The following NUBPL variants were observed in gnomAD, a reference collection of about 807,000 sequenced individuals.
The protein encoded by NUBPL is NUBP iron-sulfur cluster assembly factor, mitochondrial, also known as iron-sulfur cluster transfer protein NUBPL.
In NUBPL, 31 loss-of-function variants were observed where a neutral mutation model predicts 45.7. That is an observed-to-expected ratio of 0.68 (90% CI 0.51 to 0.92). NUBPL has a LOEUF of 0.92. Among genes scored for constraint, NUBPL ranks in the 40% least tolerant of loss-of-function variants. The probability of loss-of-function intolerance (pLI) is 0.00; values close to 1 mark genes in which losing one functional copy is unlikely to be tolerated. For synonymous variants in NUBPL, 144 were observed against 140.9 expected (o/e 1.02, Z -0.15); for missense variants, 401 against 398.7 (o/e 1.01, Z -0.05).
intron 6 of NUBPL, among the ~76,000 whole-genome samples, chr14:31,735,383 T>C (rs2038142423): frequency 6.6e-6 from 1 of 152,174 alleles, no homozygotes; most frequent in South Asian, 2.1e-4. Context: ...GTATCACAAG[T>C]AGTATCTGAA....
intron 7 of NUBPL, among the ~76,000 whole-genome samples, chr14:31,791,012 T>G (rs1045915811): frequency 2.0e-5 from 3 of 152,184 alleles, no homozygotes; most frequent in Non-Finnish European, 4.4e-5. Context: ...CTCATGCCTG[T>G]AATCCCAGCA....
In NUBPL at chr14:31,642,185, G is replaced by A. The variant is rs951820289; in HGVS notation, c.383-31170G>A. Among the ~76,000 whole-genome samples the A allele has an allele frequency of 3.3e-5, 5 of 151,928 alleles. No individual in the cohort carries two copies. In the South Asian group the frequency reaches 8.3e-4, roughly 25 times the overall value. On this transcript the variant is annotated intron_variant, in intron 4 of 10. Transcript: ENST00000281081. ...AGCTGTGCAGAAGCTTTTTAGCTTG[G>A]TATGATCCCATTCATTTGTTTTTGC...
intron 3 of NUBPL, among the ~76,000 whole-genome samples, chr14:31,576,229 G>T (rs879442235): frequency 6.6e-6 from 1 of 152,088 alleles, no homozygotes; most frequent in Admixed American, 6.6e-5. Flanking sequence ...TGGCATGGGG[G>T]ATACAAAATG....
intron 4 of NUBPL, among the ~76,000 whole-genome samples, chr14:31,627,338 C>T (rs1162761872): frequency 1.3e-5 from 2 of 151,938 alleles, no homozygotes; most frequent in Non-Finnish European, 2.9e-5. Context: ...TTTTTATTTG[C>T]TCAGGAAAAA....
intron 4 of NUBPL, among the ~76,000 whole-genome samples, chr14:31,617,551 T>TG (rs1243056227): frequency 6.6e-6 from 1 of 152,230 alleles, no homozygotes; most frequent in African/African-American, 2.4e-5. Flanking sequence ...TTTTTGTCAT[T>TG]GGTTCTGTTT....
intron 6 of NUBPL, among the ~76,000 whole-genome samples, chr14:31,732,182 A>G (rs2038063905): frequency 8.1e-6 from 1 of 123,082 alleles, no homozygotes; most frequent in Admixed American, 8.5e-5. Flanking sequence ...TGACAGAGCA[A>G]GACTCTGTCT....
chr14:31,606,104 T>TC, intron 4 of NUBPL, among the ~76,000 whole-genome samples: 1 of 134,114 alleles, frequency 7.5e-6, no homozygotes. Context: ...CTTTTCTTTT[T>TC]TTTTTTTTTT....
intron 6 of NUBPL, among the ~76,000 whole-genome samples, chr14:31,779,442 G>C (rs1024115932): frequency 6.6e-6 from 1 of 152,172 alleles, no homozygotes; most frequent in Non-Finnish European, 1.5e-5. Context: ...GAGATAGTGA[G>C]AGGTAGCCCC....
chr14:31,698,091 G>A (rs1256701811), intron 6 of NUBPL, among the ~76,000 whole-genome samples: 1 of 152,046 alleles, frequency 6.6e-6, no homozygotes, highest in African/African-American at 2.4e-5. Context: ...TTGACTTTAA[G>A]TTACGTATTT....
At chr14:31,698,731 A>G (rs1000454413) in intron 6 of NUBPL, among the ~76,000 whole-genome samples, 2 of 152,178 alleles carry the variant, frequency 1.3e-5, no homozygotes, top group African/African-American at 4.8e-5. Flanking sequence ...CATAGTTTGA[A>G]AAAAATTTCT....
intron 6 of NUBPL, among the ~76,000 whole-genome samples, chr14:31,778,634 T>A (rs753769867): frequency 4.6e-5 from 7 of 152,224 alleles, no homozygotes; most frequent in Non-Finnish European, 8.8e-5. Flanking sequence ...CCAGTAAGGT[T>A]TAACTACTGC....
intron 7 of NUBPL, among the ~76,000 whole-genome samples, chr14:31,792,659 T>A (rs1272215712): frequency 6.6e-6 from 1 of 151,716 alleles, no homozygotes; most frequent in Non-Finnish European, 1.5e-5. Flanking sequence ...AATTTTATAA[T>A]TATAAAAAAT....
intron 2 of NUBPL, 125 bp from the exon 3 acceptor site, chr14:31,564,889 G>T: frequency 3.3e-6 from 2 of 612,762 alleles, no homozygotes; most frequent in South Asian, 2.2e-5. Flanking sequence ...ATATGCTTAG[G>T]TTATTACATG....
intron 4 of NUBPL, among the ~76,000 whole-genome samples, chr14:31,638,393 C>G (rs925540908): frequency 2.0e-5 from 3 of 151,584 alleles, no homozygotes; most frequent in Non-Finnish European, 4.4e-5. Context: ...AAATTCTTTT[C>G]TTTAAGAATG....
At chr14:31,677,492 T>C (rs1487635449) in intron 6 of NUBPL, among the ~76,000 whole-genome samples, 1 of 152,250 alleles carries the variant, frequency 6.6e-6, no homozygotes, top group Non-Finnish European at 1.5e-5. Flanking sequence ...TTGAGTGTTG[T>C]GATCTAAGTT....
At chr14:31,613,674 T>G (rs1018899021) in intron 4 of NUBPL, among the ~76,000 whole-genome samples, 11 of 152,102 alleles carry the variant, frequency 7.2e-5, no homozygotes, top group Non-Finnish European at 1.5e-4. Context: ...GCCAGGCTGG[T>G]CTTGAACTCC....
At chr14:31,630,984 C>T (rs753717205) in intron 4 of NUBPL, among the ~76,000 whole-genome samples, 5 of 152,040 alleles carry the variant, frequency 3.3e-5, no homozygotes, top group Non-Finnish European at 7.4e-5. Context: ...TCCATAAATT[C>T]CAGCTGCCTT....
intron 6 of NUBPL, among the ~76,000 whole-genome samples, chr14:31,674,996 G>A (rs2036659165): frequency 6.6e-6 from 1 of 152,074 alleles, no homozygotes; most frequent in Non-Finnish European, 1.5e-5. Flanking sequence ...AATTAGCCCT[G>A]CTTGGTGGCG....
At chr14:31,626,695 A>T (rs2035216089) in intron 4 of NUBPL, among the ~76,000 whole-genome samples, 1 of 152,184 alleles carries the variant, frequency 6.6e-6, no homozygotes, top group African/African-American at 2.4e-5. Context: ...CTCACAGGTG[A>T]GGAGTGAGAC....
Sources: allele counts gnomAD v4.1 joint callset (sites outside exome capture counted in the v4.1 genomes callset), GRCh38; gene constraint gnomAD v4.1.1; transcripts MANE v1.5; gene names NCBI Gene and HGNC (gene_info 2026-07-23, HGNC 2026-07-21).